NECTIN3: variants seen among roughly 807,000 people sequenced by gnomAD.
The protein encoded by NECTIN3 is nectin-3.
NECTIN3 carries 8 observed loss-of-function variants against 49.4 expected under a neutral mutation model. The observed-to-expected ratio is 0.16, with a 90% CI of 0.10 to 0.29. NECTIN3 has a LOEUF of 0.29. Ranked by LOEUF, NECTIN3 falls within the 10% of genes least tolerant of loss-of-function variation. NECTIN3 has a pLI of 1.00. For synonymous variants in NECTIN3, 277 were observed against 241.1 expected (o/e 1.15, Z -1.38); for missense variants, 581 against 654.6 (o/e 0.89, Z 1.23).
chr3:111,119,245 A>C (rs536305101), intron 3 of NECTIN3, among the ~76,000 whole-genome samples: 1 of 152,306 alleles, frequency 6.6e-6, no homozygotes, highest in East Asian at 1.9e-4. Context: ...ACAATGCTAA[A>C]GGGCAAACAA....
At chr3:111,125,367 AC>A (rs2034123968) in intron 4 of NECTIN3, among the ~76,000 whole-genome samples, 2 of 151,290 alleles carry the variant, frequency 1.3e-5, no homozygotes, top group African/African-American at 4.9e-5. Context: ...ACAAACAAAA[AC>A]CTTTAAGCTT....
intron 7 of NECTIN3, among the ~76,000 whole-genome samples, chr3:111,166,594 C>CTTG (rs1310730110): frequency 6.6e-6 from 1 of 152,160 alleles, no homozygotes; most frequent in Non-Finnish European, 1.5e-5. Context: ...TCTGTGCCTA[C>CTTG]TTGATGTTTA....
chr3:111,169,121 G>A (rs530558472), intron 7 of NECTIN3, among the ~76,000 whole-genome samples: 2 of 113,706 alleles, frequency 1.8e-5, no homozygotes, highest in Non-Finnish European at 3.2e-5. Context: ...ACGGAGTCTC[G>A]CTCTGTCGCC....
At chr3:111,130,526 A>G (rs1348034559) in intron 5 of NECTIN3, among the ~76,000 whole-genome samples, 1 of 152,134 alleles carries the variant, frequency 6.6e-6, no homozygotes, top group African/African-American at 2.4e-5. Context: ...TAGGAAAAAA[A>G]TGTTACCTCA....
At chr3:111,157,943 C>T (rs1196688406) in intron 7 of NECTIN3, among the ~76,000 whole-genome samples, 1 of 152,050 alleles carries the variant, frequency 6.6e-6, no homozygotes, top group Non-Finnish European at 1.5e-5. Flanking sequence ...TAAAAGCACA[C>T]ACAGTAGAGT....
intron 1 of NECTIN3, among the ~76,000 whole-genome samples, chr3:111,107,205 T>C (rs960086280): frequency 6.6e-6 from 1 of 152,114 alleles, no homozygotes; most frequent in Admixed American, 6.5e-5. Context: ...TGTGTGTATT[T>C]CCAAATGTTT....
At chr3:111,154,677 T>A (rs1192953389) in intron 7 of NECTIN3, among the ~76,000 whole-genome samples, 1 of 152,180 alleles carries the variant, frequency 6.6e-6, no homozygotes, top group Admixed American at 6.5e-5. Context: ...AAATTTTAGA[T>A]ATTCTAATAG....
At chr3:111,114,697 T>C (rs565786276) in intron 2 of NECTIN3, among the ~76,000 whole-genome samples, 1 of 152,256 alleles carries the variant, frequency 6.6e-6, no homozygotes, top group African/African-American at 2.4e-5. Flanking sequence ...AATGGTATTC[T>C]AGGATTGTGA....
chr3:111,112,173 G>A lies in NECTIN3; in HGVS notation c.304G>A (p.Val102Ile). ...EKIHGKSSQTVAVHHPQYGFS... is the reference protein window; with the variant it reads ...EKIHGKSSQTIAVHHPQYGFS... ...GATACATGGCAAAAGTTCACAGACT[G>A]TTGCAGTTCACCATCCCCAATATGG... is the stretch of plus-strand genomic sequence containing the variant. The change falls in exon 2 of 6, where the codon GTT (valine) becomes ATT (isoleucine). Residue 102 changes from valine to isoleucine, a missense_variant. Val to Ile is a conservative substitution (Grantham distance 29). Transcript: ENST00000485303. 1.2e-6 allele frequency: 2 copies of A among 1,613,876 alleles called. No individual in the cohort carries two copies. Among genetic ancestry groups the A allele is most frequent in the Non-Finnish European group, 1.7e-6 (2 of 1,179,892 alleles).
chr3:111,143,933 A>G (rs1311304301), intron 5 of NECTIN3, among the ~76,000 whole-genome samples: 2 of 152,086 alleles, frequency 1.3e-5, no homozygotes, highest in African/African-American at 2.4e-5. Context: ...AAGAAAGACA[A>G]AAACAAAATC....
intron 1 of NECTIN3, among the ~76,000 whole-genome samples, chr3:111,075,503 G>C (rs2031123993): frequency 6.6e-6 from 1 of 152,110 alleles, no homozygotes; most frequent in Non-Finnish European, 1.5e-5. Context: ...AAAACAATTA[G>C]AAGAGTGCAT....
At chr3:111,096,584 A>G (rs13060876) in intron 1 of NECTIN3, among the ~76,000 whole-genome samples, 107,460 of 152,012 alleles carry the variant, frequency 0.71, 43,657 homozygotes, top group Non-Finnish European at 0.93. Flanking sequence ...CTGGAGGTTT[A>G]GGAGGAAAAA....
intron 7 of NECTIN3, among the ~76,000 whole-genome samples, chr3:111,170,858 C>T (rs1038826656): frequency 1.3e-5 from 2 of 151,980 alleles, no homozygotes; most frequent in Admixed American, 1.3e-4. Flanking sequence ...ACAGATGGGC[C>T]TTGAAGAAGG....
intron 1 of NECTIN3, chr3:111,074,893 A>G (rs2031066895): frequency 1.3e-5 from 2 of 151,886 alleles, no homozygotes; most frequent in South Asian, 4.2e-4. Flanking sequence ...TTCAGGGGAC[A>G]TAGAGAATAT....
intron 4 of NECTIN3, among the ~76,000 whole-genome samples, chr3:111,124,364 A>G (rs1371411571): frequency 1.3e-5 from 2 of 152,206 alleles, no homozygotes; most frequent in Non-Finnish European, 2.9e-5. Context: ...ACACAAGGGC[A>G]TAGAAGATGC....
chr3:111,146,233 G>C (rs1345624522), intron 6 of NECTIN3, among the ~76,000 whole-genome samples: 1 of 151,960 alleles, frequency 6.6e-6, no homozygotes, highest in Non-Finnish European at 1.5e-5. Context: ...AGGAGATCGA[G>C]ACCATCCCGG....
chr3:111,156,143 A>G (rs1247079989), intron 7 of NECTIN3, among the ~76,000 whole-genome samples: 1 of 152,164 alleles, frequency 6.6e-6, no homozygotes, highest in Non-Finnish European at 1.5e-5. Context: ...ACTTTCTTTT[A>G]GACTTTTATC....
chr3:111,179,198 C>T (rs1251470006), intron 7 of NECTIN3, among the ~76,000 whole-genome samples: 2 of 152,160 alleles, frequency 1.3e-5, no homozygotes, highest in Non-Finnish European at 2.9e-5. Context: ...GCTAGAACCT[C>T]TCCTCCAGTC....
chr3:111,102,917 C>CA (rs1482833338), intron 1 of NECTIN3, among the ~76,000 whole-genome samples: 1 of 152,114 alleles, frequency 6.6e-6, no homozygotes, highest in Non-Finnish European at 1.5e-5. Flanking sequence ...TTCTTTATTA[C>CA]ATTGCCTTTG....
Sources: gnomAD v4.1 joint callset for allele counts (sites outside exome capture counted in the v4.1 genomes callset) on GRCh38, gnomAD v4.1.1 for gene constraint, MANE v1.5 for transcripts, NCBI Gene and HGNC (gene_info 2026-07-23, HGNC 2026-07-21) for gene names.